GRID2: variants seen among roughly 807,000 people sequenced by gnomAD.
GRID2 encodes glutamate receptor ionotropic, delta-2.
GRID2 carries 33 observed loss-of-function variants against 114.8 expected under a neutral mutation model. The observed-to-expected ratio is 0.29, with a 90% confidence interval of 0.22 to 0.38. The LOEUF is 0.38. Ranked by LOEUF, GRID2 falls within the 10% of genes least tolerant of loss-of-function variation. The probability of loss-of-function intolerance (pLI) is 1.00; values close to 1 mark genes in which losing one functional copy is unlikely to be tolerated. For missense variants in GRID2, 1,184 were observed against 1,257.7 expected (o/e 0.94, Z 0.89); for synonymous variants, 505 against 449.9 (o/e 1.12, Z -1.55).
chr4:92,479,534 A>G (rs976615784), intron 1 of GRID2, among the ~76,000 whole-genome samples: 2 of 152,172 alleles, frequency 1.3e-5, no homozygotes, highest in South Asian at 4.1e-4. Context: ...ACATATTATT[A>G]GATTTGATGA....
intron 1 of GRID2, among the ~76,000 whole-genome samples, chr4:92,460,032 C>CTATATATATATATACATATA: frequency 2.1e-5 from 1 of 48,436 alleles, no homozygotes; most frequent in Admixed American, 2.7e-4. Flanking sequence ...ATAAATCTCA[C>CTATATATATATATACATATA]TATATATATA....
chr4:92,354,319 G>A (rs370035432), intron 1 of GRID2, among the ~76,000 whole-genome samples: 40 of 152,054 alleles, frequency 2.6e-4, no homozygotes, highest in African/African-American at 9.1e-4. Flanking sequence ...CTGTCTTATA[G>A]AGTTCTGACA....
intron 1 of GRID2, among the ~76,000 whole-genome samples, chr4:92,392,963 G>GA (rs1730318513): frequency 6.6e-6 from 1 of 152,138 alleles, no homozygotes; most frequent in African/African-American, 2.4e-5. Context: ...TAACTTACAA[G>GA]AAAAGAGGTT....
At chr4:93,024,740 A>C (rs1399299301) in intron 2 of GRID2, among the ~76,000 whole-genome samples, 1 of 151,818 alleles carries the variant, frequency 6.6e-6, no homozygotes, top group East Asian at 1.9e-4. Context: ...AAAAGTACTT[A>C]GGTAGTATTA....
intron 2 of GRID2, among the ~76,000 whole-genome samples, chr4:92,872,264 A>G (rs1277694360): frequency 2.0e-5 from 3 of 152,218 alleles, no homozygotes; most frequent in Non-Finnish European, 4.4e-5. Flanking sequence ...AAGAAAGAAT[A>G]TATGAAGAAA....
intron 13 of GRID2, among the ~76,000 whole-genome samples, chr4:93,563,644 T>A (rs535564116): frequency 6.6e-6 from 1 of 152,072 alleles, no homozygotes; most frequent in South Asian, 2.1e-4. Context: ...AGTGTGTTTT[T>A]TAAAAAAATC....
chr4:92,581,051 A>G (rs936620736), intron 1 of GRID2, among the ~76,000 whole-genome samples: 6 of 151,940 alleles, frequency 3.9e-5, no homozygotes, highest in Non-Finnish European at 7.4e-5. Context: ...CAATAGAGAA[A>G]GAGACTGCAA....
At chr4:92,543,385 A>G (rs934884219) in intron 1 of GRID2, among the ~76,000 whole-genome samples, 2 of 152,178 alleles carry the variant, frequency 1.3e-5, no homozygotes, top group Non-Finnish European at 2.9e-5. Flanking sequence ...CCAATTTCAA[A>G]TAGTAAGTGC....
intron 2 of GRID2, among the ~76,000 whole-genome samples, chr4:92,692,400 T>C (rs183373113): frequency 5.3e-5 from 8 of 152,300 alleles, no homozygotes; most frequent in Non-Finnish European, 8.8e-5. Context: ...CATAATGTTC[T>C]TTCAAGTAAG....
intron 2 of GRID2, among the ~76,000 whole-genome samples, chr4:92,948,376 C>A (rs937924653): frequency 6.6e-6 from 1 of 151,726 alleles, no homozygotes; most frequent in African/African-American, 2.4e-5. Context: ...AAAATAATTA[C>A]TAAAATTTTG....
intron 8 of GRID2, among the ~76,000 whole-genome samples, chr4:93,279,664 C>T (rs533721174): frequency 1.5e-4 from 23 of 151,726 alleles, no homozygotes; most frequent in Non-Finnish European, 2.8e-4. Flanking sequence ...GATTTTGCTC[C>T]GTTTAAAGAC....
At chr4:92,866,837 C>T (rs1051643105) in intron 2 of GRID2, among the ~76,000 whole-genome samples, 2 of 152,142 alleles carry the variant, frequency 1.3e-5, no homozygotes, top group African/African-American at 4.8e-5. Flanking sequence ...AGGCGTGAGC[C>T]ACCGCTCCCG....
At chr4:93,534,907 C>T (rs913879664) in intron 13 of GRID2, among the ~76,000 whole-genome samples, 3 of 148,092 alleles carry the variant, frequency 2.0e-5, no homozygotes, top group South Asian at 4.2e-4. Flanking sequence ...TTCTAGTATA[C>T]AGTATGTTGT....
chr4:93,742,587 A>G (rs896142038), intron 14 of GRID2, among the ~76,000 whole-genome samples: 1 of 152,222 alleles, frequency 6.6e-6, no homozygotes, highest in Non-Finnish European at 1.5e-5. Flanking sequence ...ACATTTTAAT[A>G]ATTCTCGCAA....
At chr4:93,734,670 A>G (rs1730773619) in intron 14 of GRID2, among the ~76,000 whole-genome samples, 1 of 152,014 alleles carries the variant, frequency 6.6e-6, no homozygotes, top group Non-Finnish European at 1.5e-5. Flanking sequence ...CTGTGGCCTG[A>G]TATTACTTAT....
intron 2 of GRID2, among the ~76,000 whole-genome samples, chr4:92,768,762 A>G (rs1297919123): frequency 6.6e-6 from 1 of 152,174 alleles, no homozygotes; most frequent in Non-Finnish European, 1.5e-5. Context: ...TTAAACCATC[A>G]GATCTCATGA....
At position 92,728,581 on chromosome 4, in the gene GRID2, CCA is replaced by C. The variant is rs775930140; in HGVS notation, c.244+138298_244+138299del. ...GTCAAAGAGCACATGAAGACAAAATCCACAGTCTTTCAGTAAACTACTCTTGG... is the reference window on the plus strand; with the variant it reads ...GTCAAAGAGCACATGAAGACAAAATCCAGTCTTTCAGTAAACTACTCTTGG... On this transcript the variant is annotated intron_variant, in intron 2 of 15. Transcript: ENST00000282020. 1.5e-3 allele frequency among the ~76,000 whole-genome samples: 224 copies of C among 151,980 alleles called. 2 individuals are homozygous for C. The highest frequency in any genetic ancestry group is 7.9e-4 in the Non-Finnish European group (54 of 67,964).
chr4:92,429,272 T>C (rs1344883717), intron 1 of GRID2, among the ~76,000 whole-genome samples: 1 of 152,236 alleles, frequency 6.6e-6, no homozygotes, highest in Non-Finnish European at 1.5e-5. Context: ...CAGCCTCTTG[T>C]AAATATTCTA....
intron 1 of GRID2, among the ~76,000 whole-genome samples, chr4:92,434,957 A>T (rs555095150): frequency 6.6e-6 from 1 of 152,216 alleles, no homozygotes; most frequent in African/African-American, 2.4e-5. Flanking sequence ...GGAATTCAAC[A>T]ATTCAAATGT....
Sources: gnomAD v4.1 joint callset for allele counts (sites outside exome capture counted in the v4.1 genomes callset) on GRCh38, gnomAD v4.1.1 for gene constraint, MANE v1.5 for transcripts, NCBI Gene and HGNC (gene_info 2026-07-23, HGNC 2026-07-21) for gene names.